NPAS3: variants seen among roughly 807,000 people sequenced by gnomAD.
The protein encoded by NPAS3 is neuronal PAS domain-containing protein 3.
Under a neutral mutation model 73.1 loss-of-function variants are expected in NPAS3, and 14 were observed. The ratio of observed to expected loss-of-function variants is 0.19; its 90% confidence interval spans 0.13 to 0.30. The LOEUF is 0.30. NPAS3 is among the 10% of genes least tolerant of loss of function. NPAS3 has a pLI of 1.00. For missense variants in NPAS3, 1,096 were observed against 1,250.0 expected (o/e 0.88, Z 1.86); for synonymous variants, 620 against 541.5 (o/e 1.14, Z -2.01).
chr14:33,056,110 A>AT (rs2138534896), intron 2 of NPAS3, 116 bp downstream of exon 2: 2 of 429,422 alleles, frequency 4.7e-6, no homozygotes, highest in Non-Finnish European at 7.6e-6. Context: ...TTAGTGGGGG[A>AT]GAAAAAAAAA....
intron 3 of NPAS3, among the ~76,000 whole-genome samples, chr14:33,244,098 G>A (rs1290916921): frequency 6.6e-6 from 1 of 150,480 alleles, no homozygotes; most frequent in Non-Finnish European, 1.5e-5. Flanking sequence ...CCTACTATTT[G>A]GAAAATCTAA....
intron 8 of NPAS3, among the ~76,000 whole-genome samples, 191 bp from the exon 9 acceptor site, chr14:33,778,275 C>G (rs2062880389): frequency 6.6e-6 from 1 of 152,156 alleles, no homozygotes; most frequent in South Asian, 2.1e-4. Context: ...TAACGCATTT[C>G]CTACTTTTGA....
intron 4 of NPAS3, among the ~76,000 whole-genome samples, chr14:33,385,756 T>C (rs776959297): frequency 7.2e-5 from 11 of 152,168 alleles, no homozygotes; most frequent in Non-Finnish European, 1.5e-4. Flanking sequence ...TCTCTGGAGT[T>C]GCACATATGG....
chr14:33,798,325 C>T (rs1013682160), intron 11 of NPAS3, among the ~76,000 whole-genome samples: 3 of 152,148 alleles, frequency 2.0e-5, no homozygotes, highest in African/African-American at 4.8e-5. Context: ...CCATCCCCAG[C>T]CCTCTTCCAG....
intron 2 of NPAS3, among the ~76,000 whole-genome samples, chr14:33,119,748 T>C (rs906049596): frequency 7.9e-5 from 12 of 152,120 alleles, no homozygotes; most frequent in African/African-American, 2.9e-4. Flanking sequence ...CAAGATCTAT[T>C]GTTCACGCCC....
chr14:33,446,501 G>A lies in NPAS3; in HGVS notation c.468+79233G>A, dbSNP rs11156791. Reference sequence around the variant, plus strand: ...CTTCATGCTTTCTAATAAGCAAGAGGATACATAGATATTCCTGAAATTCTT... The same window carrying A: ...CTTCATGCTTTCTAATAAGCAAGAGAATACATAGATATTCCTGAAATTCTT... On this transcript the variant is annotated intron_variant, in intron 4 of 11. Coordinates refer to ENST00000356141, the Ensembl canonical transcript of NPAS3. Among the ~76,000 whole-genome samples the A allele has an allele frequency of 3.4e-3, 518 of 152,310 alleles. 1 individual carries two copies. Among genetic ancestry groups the A allele is most frequent in the African/African-American group, 0.012 (505 of 41,568 alleles).
At chr14:33,519,927 T>G (rs2053482780) in intron 4 of NPAS3, among the ~76,000 whole-genome samples, 1 of 152,046 alleles carries the variant, frequency 6.6e-6, no homozygotes, top group African/African-American at 2.4e-5. Flanking sequence ...CATCTCAGAA[T>G]CTCACCCTAC....
At chr14:33,368,936 A>G (rs2045959927) in intron 4 of NPAS3, among the ~76,000 whole-genome samples, 1 of 152,180 alleles carries the variant, frequency 6.6e-6, no homozygotes, top group Admixed American at 6.6e-5. Flanking sequence ...AGTCAATGAA[A>G]AATTATTCAG....
intron 3 of NPAS3, among the ~76,000 whole-genome samples, chr14:33,324,085 C>A (rs2043580908): frequency 6.6e-6 from 1 of 152,190 alleles, no homozygotes; most frequent in Admixed American, 6.5e-5. Context: ...ACAGTGACCG[C>A]AGGCACCTGA....
At chr14:33,136,348 T>C (rs887524929) in intron 2 of NPAS3, among the ~76,000 whole-genome samples, 4 of 152,112 alleles carry the variant, frequency 2.6e-5, no homozygotes, top group Non-Finnish European at 5.9e-5. Context: ...TGTGAGCCAC[T>C]GCGCCTGGCC....
At chr14:33,440,123 A>T (rs1034351256) in intron 4 of NPAS3, among the ~76,000 whole-genome samples, 3 of 151,874 alleles carry the variant, frequency 2.0e-5, no homozygotes, top group African/African-American at 7.3e-5. Flanking sequence ...CTCAAAAAAA[A>T]AAAAAAAAGA....
intron 1 of NPAS3, among the ~76,000 whole-genome samples, chr14:32,958,874 G>C (rs1041625277): frequency 6.6e-6 from 1 of 152,164 alleles, no homozygotes; most frequent in African/African-American, 2.4e-5. Flanking sequence ...TAACAAAATG[G>C]TGATGGTGGT....
intron 4 of NPAS3, among the ~76,000 whole-genome samples, chr14:33,408,595 C>G (rs1242719328): frequency 6.6e-6 from 1 of 152,164 alleles, no homozygotes; most frequent in Non-Finnish European, 1.5e-5. Flanking sequence ...TAAACCGGAA[C>G]AGAGATCTGG....
chr14:33,077,039 C>T (rs1403821925), intron 2 of NPAS3, among the ~76,000 whole-genome samples: 3 of 152,106 alleles, frequency 2.0e-5, no homozygotes, highest in South Asian at 2.1e-4. Flanking sequence ...TCCTAGGCAT[C>T]GTGGGGATAC....
chr14:32,995,002 A>C (rs1198270110), intron 1 of NPAS3, among the ~76,000 whole-genome samples: 1 of 152,192 alleles, frequency 6.6e-6, no homozygotes, highest in East Asian at 1.9e-4. Flanking sequence ...TCTTTGGAGC[A>C]ATTGTTATTT....
At chr14:33,365,201 C>CA (rs371230319) in intron 3 of NPAS3, among the ~76,000 whole-genome samples, 754 of 45,048 alleles carry the variant, frequency 0.017, 71 homozygotes, top group African/African-American at 0.023. Context: ...CCCATAATCT[C>CA]AAAAAAAAAA....
intron 3 of NPAS3, among the ~76,000 whole-genome samples, chr14:33,329,811 AG>A (rs2043897325): frequency 6.6e-6 from 1 of 151,526 alleles, no homozygotes; most frequent in African/African-American, 2.4e-5. Flanking sequence ...TTAAAAGTGG[AG>A]TGTGTGTGTG....
chr14:33,495,964 T>C (rs1297359533), intron 4 of NPAS3, among the ~76,000 whole-genome samples: 1 of 151,834 alleles, frequency 6.6e-6, no homozygotes, highest in African/African-American at 2.4e-5. Flanking sequence ...GCCAGACTAA[T>C]AAAGAAGAAA....
intron 7 of NPAS3, among the ~76,000 whole-genome samples, chr14:33,751,507 C>A (rs534429746): frequency 1.5e-4 from 23 of 152,266 alleles, no homozygotes; most frequent in Admixed American, 9.2e-4. Context: ...TTGCAAAATG[C>A]ATCAGAGATA....
Sources: allele counts gnomAD v4.1 joint callset (sites outside exome capture counted in the v4.1 genomes callset), GRCh38; gene constraint gnomAD v4.1.1; transcripts MANE v1.5; gene names NCBI Gene and HGNC (gene_info 2026-07-23, HGNC 2026-07-21).